ZNF517: variants seen among roughly 807,000 people sequenced by gnomAD.
The protein encoded by ZNF517 is zinc finger protein 517.
A neutral mutation model predicts 12.1 loss-of-function variants in ZNF517; 12 were observed. That is an observed-to-expected ratio of 0.99 (90% CI 0.63 to 1.61). The LOEUF (loss-of-function observed/expected upper bound fraction) is 1.61. Ranked by LOEUF, ZNF517 falls within the 40% of genes most tolerant of loss-of-function variation. ZNF517 has a pLI of 0.00. For missense variants in ZNF517, 781 were observed against 693.2 expected (o/e 1.13, Z -1.42); for synonymous variants, 388 against 310.2 (o/e 1.25, Z -2.63).
In ZNF517 at chr8:144,807,456, C is replaced by A; in HGVS notation, c.540C>A (p.Cys180Ter). 3.8e-6 allele frequency: 6 copies of A among 1,577,244 alleles called. No individual in the cohort carries two copies. The highest frequency in any genetic ancestry group is 5.2e-6 in the Non-Finnish European group (6 of 1,162,146). ...GGAGCTCAGCCCCCCGCTACAGGTG[C>A]GTGTGCGGCAAGGCGTTCAGATACA... is the stretch of plus-strand genomic sequence containing the variant. ...PVGSSAPRYR[C>*]VCGKAFRYNS... Residue 180 changes from cysteine to a stop codon, truncating the protein, a stop_gained, in exon 5 of 5, where the codon TGC becomes TGA. Coordinates refer to ENST00000359971, the MANE Select transcript of ZNF517 (RefSeq NM_213605.3). LOFTEE classifies it low-confidence loss of function (END_TRUNC).
At chr8:144,805,229 A>C (rs960724293) in intron 4 of ZNF517, among the ~76,000 whole-genome samples, 6 of 152,262 alleles carry the variant, frequency 3.9e-5, no homozygotes, top group African/African-American at 1.4e-4. Flanking sequence ...GGCGTGACAG[A>C]GGCTCACACT....
At chr8:144,799,201 G>T (rs1826815058) in intron 1 of ZNF517, among the ~76,000 whole-genome samples, 1 of 152,160 alleles carries the variant, frequency 6.6e-6, no homozygotes. Flanking sequence ...GTTGCGCAGA[G>T]ATGAGGCTGC....
chr8:144,802,586 G>C (rs1012280142), intron 1 of ZNF517, among the ~76,000 whole-genome samples: 1 of 152,170 alleles, frequency 6.6e-6, no homozygotes, highest in Non-Finnish European at 1.5e-5. Flanking sequence ...AATAAAGCAA[G>C]GAGCGAGGAT....
At position 144,803,652 on chromosome 8, in the gene ZNF517, G is replaced by T. The variant is rs1380218888; in HGVS notation, c.45G>T (p.Val15=). The T allele has an allele frequency of 6.2e-7, 1 of 1,614,146 alleles. No homozygotes were observed. Among genetic ancestry groups the T allele is most frequent in the Admixed American group, 1.7e-5 (1 of 60,014 alleles). Residue 15 remains valine, a synonymous_variant, in exon 3 of 5, where the codon GTG becomes GTT. Coordinates refer to ENST00000359971, the MANE Select transcript of ZNF517 (RefSeq NM_213605.3). The stretch of plus-strand genomic sequence containing the variant: ...GTATGTGGTTGCAGGAGGCGGTTGT[G>T]TTCGAGGATGTGGCTGTGTACTTCA... ...LPMPGPQEAV[V]FEDVAVYFTR...
rs1168706934 is a variant in ZNF517 at position 144,798,943 on chromosome 8, T to TCGGCCG, written c.-46+16_-46+21dup. ...CGCTGTCTCGGCGGCCCAGGGTGAG[T>TCGGCCG]CGGCCGCGGCCGCGGGGCGGGGACT... On this transcript the variant is annotated splice_region_variant and intron_variant, in intron 1 of 4. Transcript: ENST00000359971. 2 of 151,526 alleles carry TCGGCCG rather than the reference T, an allele frequency of 1.3e-5. No homozygotes were observed. The highest frequency in any genetic ancestry group is 6.6e-5 in the Admixed American group (1 of 15,256). 9.4% of individuals were successfully genotyped at this position (151,526 alleles called of 1,614,324 possible). A position where few individuals can be genotyped will look rare whatever the true frequency, so the allele number is the denominator to read the frequency against.
At position 144,808,348 on chromosome 8, in the gene ZNF517, C is replaced by T; in HGVS notation, c.1432C>T (p.Pro478Ser). The T allele has an allele frequency of 6.8e-7, 1 of 1,474,954 alleles. No homozygotes were observed. The highest frequency in any genetic ancestry group is 9.0e-7 in the Non-Finnish European group (1 of 1,110,866). The allele number at this position is 1,474,954 out of a possible 1,614,324, so 91.4% of individuals were successfully genotyped here. The change falls in exon 5 of 5, where the codon CCC (proline) becomes TCC (serine). Residue 478 changes from proline (P) to serine (S), a missense_variant. Physicochemically the swap from Pro to Ser is moderately conservative, Grantham distance 74. Transcript: ENST00000359971. ...GCACCAGAAGGTGCACGGCCGCGAG[C>T]CCGGGGAGGACACAGAGGGCAGGCG... ...IQHQKVHGRE[P>S]GEDTEGRRAP...
chr8:144,807,535 T>G lies in ZNF517; in HGVS notation c.619T>G (p.Cys207Gly), dbSNP rs200455534. The change falls in exon 5 of 5, where the codon TGC becomes GGC. Residue 207 changes from cysteine to glycine, a missense_variant. Cys to Gly is a radical substitution (Grantham distance 159). Coordinates refer to ENST00000359971, the MANE Select transcript of ZNF517 (RefSeq NM_213605.3). ...CCACACCGGCGCCAAGCCCTTCCAG[T>G]GCACAGAGTGCGGGAAGGCCTTCAA... The part of the protein sequence containing the change: ...IIHTGAKPFQ[C>G]TECGKAFKQS... 1.9e-5 allele frequency: 30 copies of G among 1,596,350 alleles called. No homozygotes were observed. The highest frequency in any genetic ancestry group is 2.4e-5 in the Non-Finnish European group (28 of 1,171,870).
chr8:144,810,561 C>G (rs1027775986), downstream of ZNF517: 1 of 264,152 alleles, frequency 3.8e-6, no homozygotes, highest in Admixed American at 5.4e-5. Flanking sequence ...AAGTCTGGGC[C>G]ATGGGCAGGA....
At position 144,807,751 on chromosome 8, in the gene ZNF517, C is replaced by T; in HGVS notation, c.835C>T (p.His279Tyr). Residue 279 changes from histidine to tyrosine, a missense_variant, in exon 5 of 5, where the codon CAC (histidine) becomes TAC (tyrosine). His to Tyr is a moderately conservative substitution (Grantham distance 83, BLOSUM62 2). Coordinates refer to ENST00000359971, the MANE Select transcript of ZNF517 (RefSeq NM_213605.3). ...CAGCCGCAGCTCCCGGCTGCTGCAG[C>T]ACCAGAAGTTCCACACCGGGGAGAA... is the stretch of plus-strand genomic sequence containing the variant. ...AFSRSSRLLQ[H>Y]QKFHTGEKPF... The T allele has an allele frequency of 1.9e-6, 3 of 1,612,504 alleles. No homozygotes were observed. The highest frequency in any genetic ancestry group is 8.5e-7 in the Non-Finnish European group (1 of 1,179,588).
chr8:144,800,590 C>T, intron 1 of ZNF517: 1 of 985,308 alleles, frequency 1.0e-6, no homozygotes, highest in Non-Finnish European at 1.2e-6. Flanking sequence ...CACGTGTGGC[C>T]ATCGCAGTGG....
chr8:144,807,108 A>G (rs1230660454), intron 4 of ZNF517, 83 bp from the exon 5 acceptor site: 8 of 1,479,434 alleles, frequency 5.4e-6, no homozygotes, highest in Admixed American at 5.0e-5. Context: ...ACTTGGGAAT[A>G]AAAAGGTTAT....
chr8:144,803,540 C>T, intron 2 of ZNF517, 101 bp from the exon 3 acceptor site: 2 of 1,502,100 alleles, frequency 1.3e-6, no homozygotes, highest in Non-Finnish European at 1.8e-6. Context: ...CAGCAGTGGG[C>T]AGCAAGGAGA....
At chr8:144,804,291 C>G in intron 4 of ZNF517, 53 bp downstream of exon 4, 1 of 1,403,348 alleles carries the variant, frequency 7.1e-7, no homozygotes, top group Non-Finnish European at 9.9e-7. Flanking sequence ...GTGGCCTGGC[C>G]TCCGGGCAGC....
chr8:144,799,729 A>G (rs939413885), intron 1 of ZNF517, among the ~76,000 whole-genome samples: 3 of 152,174 alleles, frequency 2.0e-5, no homozygotes, highest in Non-Finnish European at 2.9e-5. Context: ...TCACGAGGTC[A>G]GGAGATCGAG....
Position 144,808,376 on chromosome 8 carries a change from C to T in ZNF517, c.1460C>T (p.Ala487Val), listed in dbSNP as rs747778256. Residue 487 changes from alanine to valine, a missense_variant, in exon 5 of 5, where the codon GCG (alanine) becomes GTG (valine). By Grantham distance (64) the Ala-to-Val change is moderately conservative. Coordinates refer to ENST00000359971, the MANE Select transcript of ZNF517 (RefSeq NM_213605.3). Reference sequence around the variant, plus strand: ...GGGGAGGACACAGAGGGCAGGCGGGCGCCCTGTTGGGCTTCCTGATGACGG... The same window carrying T: ...GGGGAGGACACAGAGGGCAGGCGGGTGCCCTGTTGGGCTTCCTGATGACGG... Reference protein sequence around the residue: ...EPGEDTEGRRAPCWAS With the variant: ...EPGEDTEGRRVPCWAS The T allele has an allele frequency of 6.9e-6, 10 of 1,456,362 alleles. No individual in the cohort carries two copies. In the South Asian group the frequency reaches 8.8e-5, roughly 13 times the overall value. 90.2% of individuals were successfully genotyped at this position (1,456,362 alleles called of 1,614,324 possible). A position where few individuals can be genotyped will look rare whatever the true frequency, so the allele number is the denominator to read the frequency against.
chr8:144,808,747 C>T lies in ZNF517; in HGVS notation c.*352C>T, dbSNP rs562038775. On this transcript the variant is annotated 3_prime_UTR_variant, in exon 5 of 5. Coordinates refer to ENST00000359971, the MANE Select transcript of ZNF517 (RefSeq NM_213605.3). ...ATATGCAGCTGAGCTCCCCACAGGC[C>T]GGCCCGGGTCTTCGTGCAGAACCAT... is the stretch of plus-strand genomic sequence containing the variant. The T allele has an allele frequency of 2.0e-5, 4 of 198,802 alleles. No homozygotes were observed. Among genetic ancestry groups the T allele is most frequent in the East Asian group, 1.1e-4 (1 of 8,828 alleles). 12.3% of individuals were successfully genotyped at this position (198,802 alleles called of 1,614,324 possible). A position where few individuals can be genotyped will look rare whatever the true frequency, so the allele number is the denominator to read the frequency against.
chr8:144,803,238 T>G (rs1381958657), intron 2 of ZNF517: 2 of 507,840 alleles, frequency 3.9e-6, no homozygotes, highest in African/African-American at 1.9e-5. Flanking sequence ...CCTGCCTCCT[T>G]CCTGGTGTGA....
rs1827371676 is a variant in ZNF517, at chr8:144,808,114, G to C, written c.1198G>C (p.Glu400Gln). ...GGGCGAGAAGCCGTTCGAGTGCGCG[G>C]AGTGCGGCAAGGCCTTCGGTCGCAA... is the stretch of plus-strand genomic sequence containing the variant. ...HTGEKPFECA[E>Q]CGKAFGRKSN... The change falls in exon 5 of 5, where the codon GAG (glutamate) becomes CAG (glutamine). Residue 400 changes from glutamate to glutamine, a missense_variant. Transcript: ENST00000359971. 6.2e-7 allele frequency: 1 copy of C among 1,612,472 alleles called. No homozygotes were observed. Among genetic ancestry groups the C allele is most frequent in the Non-Finnish European group, 8.5e-7 (1 of 1,179,646 alleles).
chr8:144,806,943 C>T (rs1024933273), intron 4 of ZNF517, among the ~76,000 whole-genome samples: 1 of 151,154 alleles, frequency 6.6e-6, no homozygotes, highest in Non-Finnish European at 1.5e-5. Context: ...TGTTTTAAGA[C>T]AGTCTCACTC....
Sources: allele counts gnomAD v4.1 joint callset (sites outside exome capture counted in the v4.1 genomes callset), GRCh38; gene constraint gnomAD v4.1.1; transcripts MANE v1.5; gene names NCBI Gene and HGNC (gene_info 2026-07-23, HGNC 2026-07-21).